HDAC1: variants seen among roughly 807,000 people sequenced by gnomAD.
The protein encoded by HDAC1 is histone deacetylase 1.
A neutral mutation model predicts 65.5 loss-of-function variants in HDAC1; 18 were observed. The observed-to-expected ratio is 0.27, with a 90% CI of 0.19 to 0.41. The LOEUF (loss-of-function observed/expected upper bound fraction) is 0.41, where lower values mean the gene tolerates loss of function less well. Ranked by LOEUF, HDAC1 falls within the 10% of genes least tolerant of loss-of-function variation. The pLI is 1.00. For synonymous variants in HDAC1, 211 were observed against 227.9 expected (o/e 0.93, Z 0.67); for missense variants, 373 against 625.2 (o/e 0.60, Z 4.30).
chr1:32,323,815 G>A (rs552852774), intron 3 of HDAC1, among the ~76,000 whole-genome samples: 14 of 152,312 alleles, frequency 9.2e-5, no homozygotes, highest in Non-Finnish European at 1.9e-4. Flanking sequence ...CGTGCGCAGT[G>A]AACGATAGTT....
At chr1:32,307,310 G>C (rs1316174965) in intron 2 of HDAC1, among the ~76,000 whole-genome samples, 1 of 152,112 alleles carries the variant, frequency 6.6e-6, no homozygotes, top group African/African-American at 2.4e-5. Flanking sequence ...TTCAGCACAG[G>C]ATTTTTTTCT....
chr1:32,292,554 T>C (rs1379590672), intron 1 of HDAC1: 2 of 504,706 alleles, frequency 4.0e-6, no homozygotes, highest in East Asian at 3.0e-4. Flanking sequence ...GCTGCAAGGA[T>C]ACATTTTCTT....
rs548109787 is a variant in HDAC1, at chr1:32,325,095, T to A, written c.355+542T>A. 1.6e-3 allele frequency among the ~76,000 whole-genome samples: 239 copies of A among 152,318 alleles called. 1 individual carries two copies. Among genetic ancestry groups the A allele is most frequent in the Non-Finnish European group, 2.9e-3 (199 of 68,040 alleles). On this transcript the variant is annotated intron_variant, in intron 4 of 13. Coordinates refer to ENST00000373548, the MANE Select transcript of HDAC1 (RefSeq NM_004964.3). ...TACTAAGAGATCTTATGTACAGGCGTTCCCCGCAGACCTCCTGGGGTTGTT... is the reference window on the plus strand; with the variant it reads ...TACTAAGAGATCTTATGTACAGGCGATCCCCGCAGACCTCCTGGGGTTGTT...
intron 2 of HDAC1, among the ~76,000 whole-genome samples, chr1:32,314,030 ACACT>A (rs965160070): frequency 2.9e-4 from 44 of 152,238 alleles, no homozygotes; most frequent in African/African-American, 9.9e-4. Flanking sequence ...TGATACAGAA[ACACT>A]CAGCGAGCCT....
In HDAC1 at chr1:32,332,705, C is replaced by T; in HGVS notation, c.1377C>T (p.Val459=). 6.4e-7 allele frequency: 1 copy of T among 1,554,668 alleles called. No individual in the cohort carries two copies. Among genetic ancestry groups the T allele is most frequent in the East Asian group, 2.4e-5 (1 of 41,496 alleles). The change falls in exon 13 of 14, where the codon GTC becomes GTT. Residue 459 remains valine, a synonymous_variant. Coordinates refer to ENST00000373548, the MANE Select transcript of HDAC1 (RefSeq NM_004964.3). ...CCCTGTACTCTTGTGTTCTAGAAGT[C>T]ACCGAAGAGGAGAAAACCAAGGAGG... is the stretch of plus-strand genomic sequence containing the variant. ...KEKDPEEKKE[V]TEEEKTKEEK...
rs1260678725 is a variant in HDAC1, at chr1:32,330,818, A to G, written c.889A>G (p.Met297Val). Residue 297 changes from methionine (M) to valine (V), a missense_variant, in exon 9 of 14, where the codon ATG becomes GTG. Transcript: ENST00000373548. This position sits in a 1 kb window ranked among gnomAD's most constrained non-coding sequence, Gnocchi z 4.2. ...CAAGAGCTTTAACCTGCCTATGCTGATGCTGGGAGGCGGTGGTTACACCAT... is the reference window on the plus strand; with the variant it reads ...CAAGAGCTTTAACCTGCCTATGCTGGTGCTGGGAGGCGGTGGTTACACCAT... The part of the protein sequence containing the change: ...FVKSFNLPML[M>V]LGGGGYTIRN... 6.2e-7 allele frequency: 1 copy of G among 1,614,128 alleles called. No homozygotes were observed. Among genetic ancestry groups the G allele is most frequent in the Middle Eastern group, 1.6e-4 (1 of 6,062 alleles).
At chr1:32,313,733 C>T (rs2148063604) in intron 2 of HDAC1, among the ~76,000 whole-genome samples, 1 of 152,276 alleles carries the variant, frequency 6.6e-6, no homozygotes, top group South Asian at 2.1e-4. Context: ...ATATTCTCCC[C>T]ATGTCTGTGT....
At chr1:32,295,363 T>C (rs1640755041) in intron 1 of HDAC1, among the ~76,000 whole-genome samples, 1 of 151,324 alleles carries the variant, frequency 6.6e-6, no homozygotes, top group Non-Finnish European at 1.5e-5. Context: ...ATCGCACCAG[T>C]GCACTCCAGC....
rs1557612913 is a variant in HDAC1, at chr1:32,330,672, A to G, written c.824A>G (p.Asn275Ser). 6.2e-7 allele frequency: 1 copy of G among 1,613,976 alleles called. No homozygotes were observed. Among genetic ancestry groups the G allele is most frequent in the East Asian group, 2.2e-5 (1 of 44,882 alleles). Residue 275 changes from asparagine to serine, a missense_variant, in exon 8 of 14, where the codon AAT becomes AGT. This residue lies in a region of HDAC1 where 105 missense variants were observed against 192.6 expected (regional missense o/e 0.55). Transcript: ENST00000373548. The surrounding 1 kb of genome is among the most constrained non-coding windows in gnomAD (Gnocchi z 4.2). ...TCTGGGGATCGGTTAGGTTGCTTCA[A>G]TCTAACTATCAAAGGTGAGACCAGG... ...SLSGDRLGCF[N>S]LTIKGHAKCV...
Position 32,327,464 on chromosome 1 carries a change from C to A in HDAC1, c.495-72C>A. 8.5e-7 allele frequency: 1 copy of A among 1,171,858 alleles called. No individual in the cohort carries two copies. Among genetic ancestry groups the A allele is most frequent in the Non-Finnish European group, 1.3e-6 (1 of 789,476 alleles). The allele number at this position is 1,171,858 out of a possible 1,614,324, so 72.6% of individuals were successfully genotyped here. On this transcript the variant is annotated intron_variant, in intron 5 of 13. Transcript: ENST00000373548. This position sits in a 1 kb window ranked among gnomAD's most constrained non-coding sequence, Gnocchi z 6.0. ...TGAGGGAGGCAGCCAGCCCGGTAAG[C>A]TGGGAGCTAGCGCCCTTGGCACGTC...
At chr1:32,298,468 C>T (rs1640802643) in intron 1 of HDAC1, among the ~76,000 whole-genome samples, 1 of 151,846 alleles carries the variant, frequency 6.6e-6, no homozygotes, top group East Asian at 2.0e-4. Context: ...ATCCACCCGC[C>T]TCGGCCCAAA....
chr1:32,292,255 C>T (rs774612333), intron 1 of HDAC1, 37 bp downstream of exon 1: 3 of 1,546,202 alleles, frequency 1.9e-6, no homozygotes, highest in Non-Finnish European at 2.6e-6. Context: ...GGGGCCAGGC[C>T]GGGCCGGACC....
At chr1:32,322,123 T>A (rs1249215750) in intron 3 of HDAC1, among the ~76,000 whole-genome samples, 1 of 152,128 alleles carries the variant, frequency 6.6e-6, no homozygotes, top group East Asian at 1.9e-4. Context: ...CAAACTGAGC[T>A]CTTCTGCTCT....
chr1:32,293,885 G>A (rs939023100), intron 1 of HDAC1, among the ~76,000 whole-genome samples: 3 of 150,636 alleles, frequency 2.0e-5, no homozygotes, highest in Non-Finnish European at 3.0e-5. Context: ...CTGGGCAACA[G>A]GGTGAGACTC....
chr1:32,305,810 G>A (rs962545292), intron 2 of HDAC1, among the ~76,000 whole-genome samples: 6 of 152,020 alleles, frequency 3.9e-5, no homozygotes. Context: ...GGGTTTTGCT[G>A]TGTTAACCAG....
At chr1:32,292,966 C>T (rs2124392395) in intron 1 of HDAC1, among the ~76,000 whole-genome samples, 1 of 152,130 alleles carries the variant, frequency 6.6e-6, no homozygotes, top group East Asian at 1.9e-4. Flanking sequence ...CTTAGCCAGG[C>T]ACAGGGAAGG....
chr1:32,332,285 G>A (rs200700866), intron 12 of HDAC1, 43 bp downstream of exon 12: 8 of 1,577,666 alleles, frequency 5.1e-6, no homozygotes, highest in African/African-American at 2.7e-5. Flanking sequence ...GAGCCTGAGA[G>A]GATGAATCTA....
At chr1:32,318,555 C>CA (rs56896109) in intron 3 of HDAC1, among the ~76,000 whole-genome samples, 9,544 of 135,440 alleles carry the variant, frequency 0.07, 1,008 homozygotes, top group African/African-American at 0.23. Context: ...AGAGCGAGAC[C>CA]AAAAAAAAAA....
In HDAC1 at chr1:32,330,764, A is replaced by G. The variant is rs769168564; in HGVS notation, c.839-4A>G. The G allele has an allele frequency of 6.2e-7, 1 of 1,614,150 alleles. No homozygotes were observed. The highest frequency in any genetic ancestry group is 1.1e-5 in the South Asian group (1 of 91,084). On this transcript the variant is annotated splice_polypyrimidine_tract_variant and splice_region_variant and intron_variant, in intron 8 of 13. Transcript: ENST00000373548. The surrounding 1 kb of genome is among the most constrained non-coding windows in gnomAD (Gnocchi z 4.2). Reference sequence around the variant, plus strand: ...GTAACTCAGCACCCCTTCTCCCACCAAAGGACACGCCAAGTGTGTGGAATT... The same window carrying G: ...GTAACTCAGCACCCCTTCTCCCACCGAAGGACACGCCAAGTGTGTGGAATT...
Sources: allele counts gnomAD v4.1 joint callset (sites outside exome capture counted in the v4.1 genomes callset), GRCh38; gene constraint gnomAD v4.1.1; regional missense constraint gnomAD v4.1.1; non-coding constraint Gnocchi (gnomAD v3.1); transcripts MANE v1.5; gene names NCBI Gene and HGNC (gene_info 2026-07-23, HGNC 2026-07-21).